NUP210L: variants seen among roughly 807,000 people sequenced by gnomAD.
The protein encoded by NUP210L is nucleoporin 210 like.
A neutral mutation model predicts 208.5 loss-of-function variants in NUP210L; 74 were observed. The ratio of observed to expected loss-of-function variants is 0.35; its 90% CI spans 0.29 to 0.43. The LOEUF (loss-of-function observed/expected upper bound fraction) is 0.43, where lower values mean the gene tolerates loss of function less well. Ranked by LOEUF, NUP210L falls within the 20% of genes least tolerant of loss-of-function variation. The probability of loss-of-function intolerance (pLI) is 1.00; values close to 1 mark genes in which losing one functional copy is unlikely to be tolerated. For missense variants in NUP210L, 1,843 were observed against 2,289.4 expected (o/e 0.81, Z 3.98); for synonymous variants, 780 against 816.9 (o/e 0.95, Z 0.77).
At chr1:154,018,768 A>G (rs1293032397) in intron 33 of NUP210L, among the ~76,000 whole-genome samples, 165 bp downstream of exon 33, 2 of 152,178 alleles carry the variant, frequency 1.3e-5, no homozygotes, top group Non-Finnish European at 2.9e-5. Context: ...GCTGGTTAAG[A>G]ATCCTGAACA....
In NUP210L at chr1:154,054,433, G is replaced by A. The variant is rs1224645585; in HGVS notation, c.3304-26C>T. 3 of 1,607,530 alleles carry A rather than the reference G, an allele frequency of 1.9e-6. No individual in the cohort carries two copies. The South Asian group carries it at 3.3e-5, about 18-fold the overall frequency. On this transcript the variant is annotated intron_variant, in intron 24 of 39. Transcript: ENST00000368559. ...CTGGAATTTAAATATACCATTGAAT[G>A]CCTAGAACATGAGGGAGAAATCATG...
At chr1:154,128,792 A>G (rs1658110339) in intron 8 of NUP210L, among the ~76,000 whole-genome samples, 2 of 152,196 alleles carry the variant, frequency 1.3e-5, no homozygotes, top group South Asian at 4.1e-4. Flanking sequence ...GGTTGCAGTC[A>G]GCCAAGATCA....
At chr1:154,007,825 C>T (rs887563770) in intron 35 of NUP210L, among the ~76,000 whole-genome samples, 5 of 151,742 alleles carry the variant, frequency 3.3e-5, no homozygotes, top group Admixed American at 6.6e-5. Context: ...CCGCCTGCCT[C>T]GGCCTCCCAA....
At chr1:154,023,135 G>A in exon 31 of NUP210L, 1 of 1,613,864 alleles carries the variant, frequency 6.2e-7, no homozygotes, top group Non-Finnish European at 8.5e-7. Context: ...TTCAGAGCCA[G>A]ATAAAGCTGG....
intron 27 of NUP210L, among the ~76,000 whole-genome samples, chr1:154,044,125 G>C: frequency 6.6e-6 from 1 of 152,186 alleles, no homozygotes; most frequent in Non-Finnish European, 1.5e-5. Context: ...AAAAAAGCCC[G>C]CTGGGCATGG....
intron 25 of NUP210L, among the ~76,000 whole-genome samples, chr1:154,048,128 T>C (rs1653289602): frequency 6.6e-6 from 1 of 152,092 alleles, no homozygotes; most frequent in Admixed American, 6.6e-5. Flanking sequence ...CAGCTAAAGC[T>C]AAAGTGGCAA....
At chr1:154,094,997 G>A in exon 15 of NUP210L, 2 of 1,614,034 alleles carry the variant, frequency 1.2e-6, no homozygotes, top group Non-Finnish European at 1.7e-6. Flanking sequence ...CTCTTAGATG[G>A]CAGCCACACT....
rs780619943 is a variant in NUP210L, at chr1:154,056,999, GA to G, written c.3108-53del. On this transcript the variant is annotated intron_variant, in intron 22 of 39. Coordinates refer to ENST00000368559, the Ensembl canonical transcript of NUP210L. ...GAGAAAGATTTTTGTTTTGTTTCAA[GA>G]CAGGGTCTTACTCTGTCGCCCAGGC... 115 of 1,589,094 alleles carry G rather than the reference GA, an allele frequency of 7.2e-5. 1 individual carries two copies. In the African/African-American group the frequency reaches 1.2e-3, roughly 16 times the overall value.
At chr1:154,031,100 T>A (rs192068222) in intron 27 of NUP210L, among the ~76,000 whole-genome samples, 311 of 152,210 alleles carry the variant, frequency 2.0e-3, no homozygotes, top group African/African-American at 7.0e-3. Flanking sequence ...TTATTTTAGT[T>A]TATTTTGAGA....
At chr1:154,047,617 C>T (rs1653257335) in intron 25 of NUP210L, among the ~76,000 whole-genome samples, 1 of 152,204 alleles carries the variant, frequency 6.6e-6, no homozygotes, top group Admixed American at 6.5e-5. Flanking sequence ...CTAGCCAAAG[C>T]CCATCCCTTT....
At chr1:154,101,530 C>A (rs1391843012) in intron 13 of NUP210L, among the ~76,000 whole-genome samples, 1 of 152,080 alleles carries the variant, frequency 6.6e-6, no homozygotes, top group African/African-American at 2.4e-5. Context: ...CAATTAGGCC[C>A]TTTATATCAA....
chr1:154,139,084 A>G lies in NUP210L; in HGVS notation c.717+718T>C, dbSNP rs200781735. On this transcript the variant is annotated intron_variant, in intron 5 of 39. Coordinates refer to ENST00000368559, the Ensembl canonical transcript of NUP210L. ...GAAGTTTGAAACCAGCCTGGCCATC[A>G]TGGTGAAACTCTGTTTCTACTAAAA... 1.4e-4 allele frequency among the ~76,000 whole-genome samples: 22 copies of G among 152,136 alleles called. No homozygotes were observed. The East Asian group carries it at 3.9e-3, about 27-fold the overall frequency.
chr1:154,093,894 T>G (rs952512077), intron 15 of NUP210L, among the ~76,000 whole-genome samples: 9 of 152,192 alleles, frequency 5.9e-5, no homozygotes, highest in African/African-American at 2.2e-4. Flanking sequence ...GTCATGCCTA[T>G]AATCCCAGCA....
chr1:154,043,125 T>A (rs1320263106), intron 27 of NUP210L, among the ~76,000 whole-genome samples: 8 of 148,184 alleles, frequency 5.4e-5, no homozygotes, highest in African/African-American at 1.8e-4. Context: ...GTTCAAGGAA[T>A]CCTCCTGCCT....
At chr1:154,069,635 C>G (rs1023994326) in intron 17 of NUP210L, among the ~76,000 whole-genome samples, 2 of 152,168 alleles carry the variant, frequency 1.3e-5, no homozygotes, top group African/African-American at 4.8e-5. Flanking sequence ...TTGTGGAAGA[C>G]AGTGTGGCGA....
At chr1:154,057,336 C>T (rs1557946052) in intron 22 of NUP210L, among the ~76,000 whole-genome samples, 1 of 151,992 alleles carries the variant, frequency 6.6e-6, no homozygotes, top group African/African-American at 2.4e-5. Flanking sequence ...ACATTTTCTG[C>T]TCATTTTAAC....
chr1:154,056,083 C>T (rs1653852237), intron 23 of NUP210L, among the ~76,000 whole-genome samples: 1 of 152,142 alleles, frequency 6.6e-6, no homozygotes, highest in African/African-American at 2.4e-5. Flanking sequence ...ACAATGGTTG[C>T]CTCTAAGTAG....
chr1:154,070,598 A>G (rs1046630561), intron 16 of NUP210L, 133 bp from the exon 17 acceptor site: 1 of 550,440 alleles, frequency 1.8e-6, no homozygotes, highest in Middle Eastern at 4.6e-4. Flanking sequence ...ACTTATAGCT[A>G]TTGAAAGAAC....
At chr1:154,094,659 T>C (rs1656095911) in intron 15 of NUP210L, among the ~76,000 whole-genome samples, 1 of 152,204 alleles carries the variant, frequency 6.6e-6, no homozygotes, top group Non-Finnish European at 1.5e-5. Context: ...ATTATAATGA[T>C]AATGTGATTG....
Sources: allele counts gnomAD v4.1 joint callset (sites outside exome capture counted in the v4.1 genomes callset), GRCh38; gene constraint gnomAD v4.1.1; transcripts MANE v1.5; gene names NCBI Gene and HGNC (gene_info 2026-07-23, HGNC 2026-07-21).